Variants in SOS2 observed in about 807,000 individuals in gnomAD.
The protein encoded by SOS2 is SOS Ras/Rho guanine nucleotide exchange factor 2.
SOS2 carries 65 observed loss-of-function variants against 148.2 expected under a neutral mutation model. The observed-to-expected ratio is 0.44, with a 90% CI of 0.36 to 0.54. The LOEUF (loss-of-function observed/expected upper bound fraction) is 0.54, where lower values mean the gene tolerates loss of function less well. Ranked by LOEUF, SOS2 falls within the 20% of genes least tolerant of loss-of-function variation. SOS2 has a pLI of 0.00. For synonymous variants in SOS2, 539 were observed against 537.1 expected (o/e 1.00, Z -0.05); for missense variants, 1,341 against 1,590.2 (o/e 0.84, Z 2.67).
intron 4 of SOS2, among the ~76,000 whole-genome samples, chr14:50,197,689 C>T (rs1886355473): frequency 7.9e-6 from 1 of 125,852 alleles, no homozygotes; most frequent in Non-Finnish European, 1.7e-5. Context: ...GCTTTACCAC[C>T]TTTTTTTTTT....
intron 5 of SOS2, among the ~76,000 whole-genome samples, chr14:50,186,262 A>G (rs945393106): frequency 6.6e-6 from 1 of 152,230 alleles, no homozygotes; most frequent in Non-Finnish European, 1.5e-5. Flanking sequence ...CTTTAGTATT[A>G]AAATAGACAT....
At position 50,118,333 on chromosome 14, in the gene SOS2, T is replaced by C. The variant is rs201920272; in HGVS notation, c.*11A>G. 9 of 1,604,798 alleles carry C rather than the reference T, an allele frequency of 5.6e-6. No homozygotes were observed. The highest frequency in any genetic ancestry group is 7.7e-6 in the Non-Finnish European group (9 of 1,173,938). ...TACCATTCCAGTGTCAATGACTACA[T>C]ATGGCTAAGGTCATTGGGGAGTTTC... On this transcript the variant is annotated 3_prime_UTR_variant, in exon 23 of 23. Transcript: ENST00000216373.
intron 1 of SOS2, among the ~76,000 whole-genome samples, chr14:50,206,731 T>A (rs942921028): frequency 6.6e-6 from 1 of 151,534 alleles, no homozygotes. Flanking sequence ...TTTTTAAACA[T>A]GAGATTTTTT....
At chr14:50,140,136 T>C (rs1051438298) in intron 16 of SOS2, 77 bp from the exon 17 acceptor site, 4 of 752,530 alleles carry the variant, frequency 5.3e-6, no homozygotes, top group Non-Finnish European at 8.6e-6. Context: ...TTAAATTTTA[T>C]AAAATTTTGC....
intron 4 of SOS2, among the ~76,000 whole-genome samples, chr14:50,189,983 G>A (rs1470205601): frequency 6.6e-6 from 1 of 151,738 alleles, no homozygotes; most frequent in Non-Finnish European, 1.5e-5. Flanking sequence ...TGAGTAGCTG[G>A]GATTACAGGT....
chr14:50,200,392 T>A (rs1447656837), intron 3 of SOS2, among the ~76,000 whole-genome samples: 2 of 152,246 alleles, frequency 1.3e-5, no homozygotes, highest in East Asian at 3.9e-4. Flanking sequence ...TTTTCCAGTA[T>A]ATAAAAAATA....
chr14:50,172,233 T>A (rs1413556992), intron 8 of SOS2, among the ~76,000 whole-genome samples: 1 of 152,170 alleles, frequency 6.6e-6, no homozygotes, highest in Admixed American at 6.6e-5. Context: ...ATTTTGGATA[T>A]CCTGTTTTGT....
At chr14:50,186,563 T>A (rs1425872620) in intron 5 of SOS2, among the ~76,000 whole-genome samples, 1 of 151,558 alleles carries the variant, frequency 6.6e-6, no homozygotes, top group Non-Finnish European at 1.5e-5. Flanking sequence ...GGAAGACTGC[T>A]TAAGCCCAGG....
chr14:50,193,861 C>G (rs1886233479), intron 4 of SOS2, among the ~76,000 whole-genome samples: 2 of 152,102 alleles, frequency 1.3e-5, no homozygotes, highest in South Asian at 4.1e-4. Context: ...TCTTGTGCCT[C>G]AGCCTCCTGA....
intron 14 of SOS2, among the ~76,000 whole-genome samples, chr14:50,147,503 C>A (rs1200787899): frequency 1.9e-5 from 2 of 106,950 alleles, no homozygotes; most frequent in Non-Finnish European, 3.6e-5. Flanking sequence ...CAGAGTGAGA[C>A]CCTGTTTCTA....
At chr14:50,204,902 T>TTCTTC (rs961411105) in intron 1 of SOS2, among the ~76,000 whole-genome samples, 2 of 150,882 alleles carry the variant, frequency 1.3e-5, no homozygotes, top group African/African-American at 2.4e-5. Flanking sequence ...TTTTTTTTCT[T>TTCTTC]TCTTTTTTTT....
intron 4 of SOS2, among the ~76,000 whole-genome samples, chr14:50,196,377 G>A (rs1277484140): frequency 1.3e-5 from 2 of 152,018 alleles, no homozygotes; most frequent in Non-Finnish European, 1.5e-5. Flanking sequence ...AGAATAAAAT[G>A]GAGTCTCCAT....
chr14:50,145,640 G>T, intron 14 of SOS2, 44 bp from the exon 15 acceptor site: 1 of 1,277,512 alleles, frequency 7.8e-7, no homozygotes, highest in Non-Finnish European at 1.1e-6. Flanking sequence ...TAAAGGATTT[G>T]TATTACTTAA....
chr14:50,198,514 G>C (rs1456923085), intron 4 of SOS2, among the ~76,000 whole-genome samples: 1 of 152,180 alleles, frequency 6.6e-6, no homozygotes, highest in African/African-American at 2.4e-5. Flanking sequence ...TGCTTTCAAA[G>C]AACACTGAGG....
rs78255324 is a variant in SOS2 at position 50,184,780 on chromosome 14, C to T, written c.715-2174G>A. ...CAGGAGGCTGAAGCTGGAGGATCTG[C>T]TTGAGCCCAGGAAGCAGAGGTTATG... is the stretch of plus-strand genomic sequence containing the variant. On this transcript the variant is annotated intron_variant, in intron 5 of 22. Transcript: ENST00000216373. Among the ~76,000 whole-genome samples the T allele has an allele frequency of 7.3e-3, 1,065 of 145,028 alleles. 15 individuals carry two copies. Among genetic ancestry groups the T allele is most frequent in the African/African-American group, 0.025 (1,005 of 39,562 alleles).
intron 8 of SOS2, among the ~76,000 whole-genome samples, chr14:50,163,653 G>C (rs1386514898): frequency 6.6e-6 from 1 of 152,146 alleles, no homozygotes; most frequent in Non-Finnish European, 1.5e-5. Flanking sequence ...GACTTCTACA[G>C]GTGAAAGTTA....
At chr14:50,135,296 T>TA (rs1340503093) in intron 18 of SOS2, among the ~76,000 whole-genome samples, 3 of 151,410 alleles carry the variant, frequency 2.0e-5, no homozygotes, top group Non-Finnish European at 4.4e-5. Context: ...CCTCTCCTCT[T>TA]AAAAAAAGCC....
intron 1 of SOS2, among the ~76,000 whole-genome samples, chr14:50,217,659 A>C (rs1595033606): frequency 6.6e-6 from 1 of 152,178 alleles, no homozygotes; most frequent in Non-Finnish European, 1.5e-5. Context: ...CAAATTGATA[A>C]AAATTTAAAA....
intron 2 of SOS2, among the ~76,000 whole-genome samples, chr14:50,202,167 T>G (rs1007081213): frequency 3.3e-5 from 5 of 152,204 alleles, no homozygotes; most frequent in Admixed American, 3.3e-4. Flanking sequence ...TTTGCCATGT[T>G]GCCCAGGCTA....
Sources: allele counts gnomAD v4.1 joint callset (sites outside exome capture counted in the v4.1 genomes callset), GRCh38; gene constraint gnomAD v4.1.1; transcripts MANE v1.5; gene names NCBI Gene and HGNC (gene_info 2026-07-23, HGNC 2026-07-21).